SLC25A21: variants seen among roughly 807,000 people sequenced by gnomAD.
SLC25A21 encodes mitochondrial 2-oxodicarboxylate carrier.
SLC25A21 carries 47 observed loss-of-function variants against 43.8 expected under a neutral mutation model. That is an observed-to-expected ratio of 1.07 (90% CI 0.85 to 1.37). SLC25A21 has a LOEUF of 1.37. Among genes scored for constraint, SLC25A21 ranks in the 40% most tolerant of loss-of-function variants. The pLI is 0.00. For missense variants in SLC25A21, 352 were observed against 350.2 expected (o/e 1.00, Z -0.04); for synonymous variants, 131 against 121.3 (o/e 1.08, Z -0.52).
intron 1 of SLC25A21, among the ~76,000 whole-genome samples, chr14:37,145,245 C>T (rs1451378448): frequency 6.6e-6 from 1 of 151,800 alleles, no homozygotes; most frequent in East Asian, 1.9e-4. Context: ...CCATAGAATA[C>T]TACCTCCTTC....
At chr14:36,861,891 A>G (rs1890074628) in intron 2 of SLC25A21, among the ~76,000 whole-genome samples, 1 of 152,146 alleles carries the variant, frequency 6.6e-6, no homozygotes, top group African/African-American at 2.4e-5. Context: ...GAGCTAACAT[A>G]CAGAATCTAC....
chr14:36,754,530 A>G (rs1455758205), intron 3 of SLC25A21, among the ~76,000 whole-genome samples: 1 of 152,226 alleles, frequency 6.6e-6, no homozygotes, highest in African/African-American at 2.4e-5. Flanking sequence ...AGATGTGGAA[A>G]CAAAGATTCT....
chr14:36,722,021 A>G (rs1884392842), intron 6 of SLC25A21, among the ~76,000 whole-genome samples: 1 of 152,294 alleles, frequency 6.6e-6, no homozygotes, highest in South Asian at 2.1e-4. Context: ...TATGAATTTC[A>G]GTATGAATTC....
chr14:37,049,681 T>C (rs7141528), intron 1 of SLC25A21, among the ~76,000 whole-genome samples: 73,930 of 152,032 alleles, frequency 0.49, 21,050 homozygotes, highest in African/African-American at 0.8. Context: ...CATATGTAAG[T>C]CCATATTTGT....
chr14:37,027,943 A>C (rs2138763504), intron 1 of SLC25A21, among the ~76,000 whole-genome samples: 1 of 152,336 alleles, frequency 6.6e-6, no homozygotes, highest in South Asian at 2.1e-4. Context: ...AACCTTTTCA[A>C]ATACCAATTG....
In SLC25A21 at chr14:36,825,823, A is replaced by G. The variant is rs1229421812; in HGVS notation, c.120-11822T>C. On this transcript the variant is annotated intron_variant, in intron 2 of 9. Coordinates refer to ENST00000331299, the MANE Select transcript of SLC25A21 (RefSeq NM_030631.4). ...AGTTAGAAATCTACAGTGAATACATAAGAGTTAAATCTCCTCCTTTAAATT... is the reference window on the plus strand; with the variant it reads ...AGTTAGAAATCTACAGTGAATACATGAGAGTTAAATCTCCTCCTTTAAATT... 2.6e-5 allele frequency among the ~76,000 whole-genome samples: 4 copies of G among 152,156 alleles called. No homozygotes were observed. In the South Asian group the frequency reaches 6.2e-4, roughly 24 times the overall value.
At chr14:36,889,166 C>T (rs1018231079) in intron 1 of SLC25A21, among the ~76,000 whole-genome samples, 7 of 152,164 alleles carry the variant, frequency 4.6e-5, no homozygotes, top group African/African-American at 9.7e-5. Context: ...TTATCATGGT[C>T]TGGCTTGTGG....
At chr14:37,101,095 G>C (rs908435199) in intron 1 of SLC25A21, among the ~76,000 whole-genome samples, 2 of 152,044 alleles carry the variant, frequency 1.3e-5, no homozygotes, top group African/African-American at 2.4e-5. Context: ...ATTGTGTATT[G>C]AAAAATAATG....
intron 1 of SLC25A21, among the ~76,000 whole-genome samples, chr14:37,060,276 T>C (rs1257426247): frequency 1.3e-5 from 2 of 151,776 alleles, no homozygotes; most frequent in Non-Finnish European, 2.9e-5. Context: ...ATCTCAGATT[T>C]ACAGCCTCCA....
chr14:37,059,264 TATC>T (rs1235462964), intron 1 of SLC25A21, among the ~76,000 whole-genome samples: 1 of 152,176 alleles, frequency 6.6e-6, no homozygotes, highest in Non-Finnish European at 1.5e-5. Flanking sequence ...TTACTATTAT[TATC>T]ATCACCATTT....
Position 36,724,300 on chromosome 14 carries a change from T to G in SLC25A21, c.438+1270A>C, listed in dbSNP as rs1310642372. ...AGCCCAACCCTGTCCCCTCAGGTCT[T>G]GGCAGCTAAAGGTGAGTAGGGCCCC... On this transcript the variant is annotated intron_variant, in intron 6 of 9. Transcript: ENST00000331299. Among the ~76,000 whole-genome samples, 9 of 152,326 alleles carry G rather than the reference T, an allele frequency of 5.9e-5. No individual in the cohort carries two copies. In the East Asian group the frequency reaches 1.7e-3, roughly 29 times the overall value.
chr14:36,769,939 A>G (rs1157323902), intron 3 of SLC25A21, among the ~76,000 whole-genome samples: 1 of 152,200 alleles, frequency 6.6e-6, no homozygotes, highest in Non-Finnish European at 1.5e-5. Flanking sequence ...TGAAGAAGGC[A>G]CAGTCCACAT....
At chr14:37,093,657 T>G (rs1368284562) in intron 1 of SLC25A21, among the ~76,000 whole-genome samples, 1 of 152,000 alleles carries the variant, frequency 6.6e-6, no homozygotes, top group Non-Finnish European at 1.5e-5. Flanking sequence ...TTTCAAAATA[T>G]CCACACCTAC....
At chr14:36,896,955 T>C (rs1037407342) in intron 1 of SLC25A21, among the ~76,000 whole-genome samples, 1 of 152,202 alleles carries the variant, frequency 6.6e-6, no homozygotes, top group Non-Finnish European at 1.5e-5. Context: ...GACCTTTCTC[T>C]CTGGCTGCCC....
intron 1 of SLC25A21, among the ~76,000 whole-genome samples, chr14:36,910,010 T>A (rs1891640830): frequency 6.6e-6 from 1 of 152,176 alleles, no homozygotes; most frequent in Non-Finnish European, 1.5e-5. Flanking sequence ...ACATGACACT[T>A]GTAATCATGA....
intron 2 of SLC25A21, among the ~76,000 whole-genome samples, chr14:36,863,145 A>C (rs564083627): frequency 6.6e-6 from 1 of 152,280 alleles, no homozygotes; most frequent in East Asian, 1.9e-4. Flanking sequence ...TCTCAGCTTA[A>C]AAAAGAGAAA....
chr14:37,058,418 C>T (rs1397392849), intron 1 of SLC25A21, among the ~76,000 whole-genome samples: 2 of 152,122 alleles, frequency 1.3e-5, no homozygotes, highest in African/African-American at 4.8e-5. Context: ...TATATCACTT[C>T]CAACAATATA....
At chr14:37,034,353 A>G (rs1961282290) in intron 1 of SLC25A21, among the ~76,000 whole-genome samples, 2 of 152,124 alleles carry the variant, frequency 1.3e-5, no homozygotes, top group Admixed American at 6.6e-5. Flanking sequence ...TAAACCCACT[A>G]TAAAGGATGA....
chr14:36,780,939 T>C (rs1887034247), intron 3 of SLC25A21, among the ~76,000 whole-genome samples: 1 of 152,146 alleles, frequency 6.6e-6, no homozygotes, highest in African/African-American at 2.4e-5. Flanking sequence ...TCCCCTATGA[T>C]TATTGTATTG....
Sources: gnomAD v4.1 joint callset for allele counts (sites outside exome capture counted in the v4.1 genomes callset) on GRCh38, gnomAD v4.1.1 for gene constraint, MANE v1.5 for transcripts, NCBI Gene and HGNC (gene_info 2026-07-23, HGNC 2026-07-21) for gene names.